ZNF365: variants seen among roughly 807,000 people sequenced by gnomAD.
ZNF365 encodes the protein protein ZNF365.
Under a neutral mutation model 35.0 loss-of-function variants are expected in ZNF365, and 22 were observed. The observed-to-expected ratio is 0.63, with a 90% CI of 0.45 to 0.90. The LOEUF is 0.90. ZNF365 is among the 40% of genes least tolerant of loss of function. ZNF365 has a pLI of 0.00. For synonymous variants in ZNF365, 188 were observed against 196.2 expected (o/e 0.96, Z 0.35); for missense variants, 448 against 500.3 (o/e 0.90, Z 1.00).
At chr10:62,406,944 G>A (rs1289165683), downstream of ZNF365, among the ~76,000 whole-genome samples, 2 of 152,142 alleles carry the variant, frequency 1.3e-5, no homozygotes, top group African/African-American at 4.8e-5. Flanking sequence ...CAGTGAGACA[G>A]CATCATTCCT....
chr10:62,404,043 T>C (rs555388109), downstream of ZNF365, among the ~76,000 whole-genome samples: 13 of 152,330 alleles, frequency 8.5e-5, no homozygotes, highest in African/African-American at 2.6e-4. Flanking sequence ...AGAACACAAC[T>C]GAAATTTTCA....
At chr10:62,407,066 C>T (rs1312370181), downstream of ZNF365, among the ~76,000 whole-genome samples, 1 of 152,242 alleles carries the variant, frequency 6.6e-6, no homozygotes, top group East Asian at 1.9e-4. Context: ...TCTGCTTCTG[C>T]TTCTAAGGGT....
intron 3 of ZNF365, among the ~76,000 whole-genome samples, chr10:62,397,980 T>C (rs1839759407): frequency 6.6e-6 from 1 of 152,218 alleles, no homozygotes; most frequent in African/African-American, 2.4e-5. Flanking sequence ...TAGATTTTGG[T>C]GCACCCATCA....
chr10:62,381,186 G>A (rs1422986690), intron 2 of ZNF365, among the ~76,000 whole-genome samples: 1 of 152,140 alleles, frequency 6.6e-6, no homozygotes, highest in African/African-American at 2.4e-5. Flanking sequence ...AGGAGGAAAG[G>A]CAGAATTTGC....
Position 62,400,859 on chromosome 10 carries a change from T to C in ZNF365, c.*1070T>C. The stretch of plus-strand genomic sequence containing the variant: ...GTATCTTTCAACCAAGTATCTGGAG[T>C]GTTCACTCTATGTTGCATTCTAAAG... On this transcript the variant is annotated 3_prime_UTR_variant, in exon 5 of 5. Transcript: ENST00000395254. The C allele has an allele frequency of 3.0e-6, 3 of 985,476 alleles. No homozygotes were observed. The highest frequency in any genetic ancestry group is 3.6e-6 in the Non-Finnish European group (3 of 829,922). The allele number at this position is 985,476 out of a possible 1,614,324, so 61.0% of individuals were successfully genotyped here. A position where few individuals can be genotyped will look rare whatever the true frequency, so the allele number is the denominator to read the frequency against.
At chr10:62,455,548 A>G (rs1222019988) in intron 3 of ZNF365, among the ~76,000 whole-genome samples, 1 of 152,050 alleles carries the variant, frequency 6.6e-6, no homozygotes, top group Non-Finnish European at 1.5e-5. Context: ...ATATGTACAT[A>G]TACTGTATAT....
chr10:62,430,500 T>C (rs1283626594), intron 3 of ZNF365, among the ~76,000 whole-genome samples: 2 of 152,188 alleles, frequency 1.3e-5, no homozygotes, highest in East Asian at 3.9e-4. Flanking sequence ...TCTATGAGAT[T>C]CCCATCTTCC....
At chr10:62,399,449 G>C (rs1318375356) in intron 4 of ZNF365, 79 bp from the exon 5 acceptor site, 3 of 1,553,516 alleles carry the variant, frequency 1.9e-6, no homozygotes, top group Non-Finnish European at 2.6e-6. Context: ...TGTGCCATGA[G>C]TAATTATTCT....
rs181846077 is a variant in ZNF365, at chr10:62,400,860, G to A, written c.*1071G>A. 4 of 985,486 alleles carry A rather than the reference G, an allele frequency of 4.1e-6. No homozygotes were observed. The Admixed American group carries it at 1.8e-4, about 45-fold the overall frequency. 61.0% of individuals were successfully genotyped at this position (985,486 alleles called of 1,614,324 possible). The stretch of plus-strand genomic sequence containing the variant: ...TATCTTTCAACCAAGTATCTGGAGT[G>A]TTCACTCTATGTTGCATTCTAAAGT... On this transcript the variant is annotated 3_prime_UTR_variant, in exon 5 of 5. Transcript: ENST00000395254.
At chr10:62,423,321 A>T (rs757857004) in intron 3 of ZNF365, among the ~76,000 whole-genome samples, 1 of 152,124 alleles carries the variant, frequency 6.6e-6, no homozygotes, top group Non-Finnish European at 1.5e-5. Flanking sequence ...GTATACTAAG[A>T]TACATTTTGA....
chr10:62,478,879 T>G (rs1490078382), intron 4 of ZNF365, among the ~76,000 whole-genome samples: 1 of 152,220 alleles, frequency 6.6e-6, no homozygotes, highest in African/African-American at 2.4e-5. Context: ...CTGCCACAAG[T>G]GTCGTTTTTT....
At chr10:62,436,291 A>G (rs1397918104) in intron 3 of ZNF365, among the ~76,000 whole-genome samples, 2 of 152,154 alleles carry the variant, frequency 1.3e-5, no homozygotes, top group East Asian at 3.8e-4. Context: ...TAAATTAAAT[A>G]GGGTAAAAAG....
intron 3 of ZNF365, among the ~76,000 whole-genome samples, chr10:62,408,979 C>A (rs889637326): frequency 6.6e-6 from 1 of 152,136 alleles, no homozygotes; most frequent in East Asian, 1.9e-4. Context: ...ATCTGCTCTT[C>A]TTTTTGGCTG....
chr10:62,423,046 G>C (rs1453480967), intron 3 of ZNF365, among the ~76,000 whole-genome samples: 1 of 152,164 alleles, frequency 6.6e-6, no homozygotes, highest in Non-Finnish European at 1.5e-5. Flanking sequence ...CAGCTAGGGG[G>C]AGACTTACTA....
intron 4 of ZNF365, among the ~76,000 whole-genome samples, chr10:62,463,638 C>G (rs2132483324): frequency 6.6e-6 from 1 of 152,316 alleles, no homozygotes; most frequent in South Asian, 2.1e-4. Context: ...TACACAGTAA[C>G]TAGAAACTTT....
At chr10:62,405,896 C>T (rs1839897554), downstream of ZNF365, among the ~76,000 whole-genome samples, 1 of 152,220 alleles carries the variant, frequency 6.6e-6, no homozygotes, top group Admixed American at 6.5e-5. Context: ...CCCACTTCCC[C>T]ATTCTCAGGA....
intron 3 of ZNF365, among the ~76,000 whole-genome samples, chr10:62,455,500 G>A (rs1038985709): frequency 8.6e-5 from 13 of 151,962 alleles, no homozygotes; most frequent in Non-Finnish European, 4.4e-5. Flanking sequence ...GAAAATGAAA[G>A]CATCTATAAT....
intron 3 of ZNF365, among the ~76,000 whole-genome samples, chr10:62,446,373 A>T (rs1196344010): frequency 1.3e-5 from 2 of 152,168 alleles, no homozygotes; most frequent in East Asian, 3.8e-4. Context: ...GTATGCCCCA[A>T]TTTGTTCATG....
chr10:62,394,635 T>G (rs141890543), intron 3 of ZNF365, among the ~76,000 whole-genome samples: 15 of 152,282 alleles, frequency 9.9e-5, no homozygotes, highest in African/African-American at 3.6e-4. Context: ...TTTTTAGAAA[T>G]CAGCCAGGTG....
Sources: allele counts gnomAD v4.1 joint callset (sites outside exome capture counted in the v4.1 genomes callset), GRCh38; gene constraint gnomAD v4.1.1; transcripts MANE v1.5; gene names NCBI Gene and HGNC (gene_info 2026-07-23, HGNC 2026-07-21).